Variants in ANKRD13C observed in about 807,000 individuals in gnomAD.
ANKRD13C encodes the protein ankyrin repeat domain 13C.
A neutral mutation model predicts 65.5 loss-of-function variants in ANKRD13C; 16 were observed. That is an observed-to-expected ratio of 0.24 (90% CI 0.17 to 0.37). The LOEUF is 0.37. ANKRD13C is among the 10% of genes least tolerant of loss of function. The pLI, the probability that ANKRD13C is intolerant of heterozygous loss-of-function variation, is 1.00. For synonymous variants in ANKRD13C, 235 were observed against 238.7 expected, an observed-to-expected ratio of 0.98 and a Z score of 0.14; for missense variants, 503 against 655.9, an observed-to-expected ratio of 0.77 and a Z score of 2.55.
intron 12 of ANKRD13C, among the ~76,000 whole-genome samples, chr1:70,267,496 C>T (rs2101104941): frequency 6.6e-6 from 1 of 152,224 alleles, no homozygotes; most frequent in East Asian, 1.9e-4. Flanking sequence ...ACCTCAGCCT[C>T]CCAAGTAGCT....
intron 12 of ANKRD13C, among the ~76,000 whole-genome samples, chr1:70,270,214 G>C (rs1678818935): frequency 6.6e-6 from 1 of 152,124 alleles, no homozygotes. Flanking sequence ...GAAAATCTGG[G>C]CTAATCTCTA....
intron 7 of ANKRD13C, 24 bp from the exon 8 acceptor site, chr1:70,296,285 T>C: frequency 6.3e-7 from 1 of 1,597,180 alleles, no homozygotes. Context: ...AAAAGTTAAA[T>C]ATAAAAATCT....
rs79336526 is a variant in ANKRD13C, at chr1:70,261,967, A to T, written c.*750T>A. ...AAACTCAAGTTTAGAAAAAAAAAAA[A>T]TAGAGGTTCTATGAAAGGAAGATTA... On this transcript the variant is annotated 3_prime_UTR_variant, in exon 13 of 13. Coordinates refer to ENST00000370944, the MANE Select transcript of ANKRD13C (RefSeq NM_030816.5). The T allele has an allele frequency of 6.6e-6, 1 of 152,522 alleles. No individual in the cohort carries two copies. The highest frequency in any genetic ancestry group is 2.4e-5 in the African/African-American group (1 of 41,424). 9.4% of individuals were successfully genotyped at this position (152,522 alleles called of 1,614,324 possible). A position where few individuals can be genotyped will look rare whatever the true frequency, so the allele number is the denominator to read the frequency against.
At chr1:70,270,751 G>A (rs1408625837) in intron 12 of ANKRD13C, 105 bp downstream of exon 12, 1 of 700,044 alleles carries the variant, frequency 1.4e-6, no homozygotes, top group Non-Finnish European at 2.4e-6. Flanking sequence ...CGAACCAACA[G>A]AGGTGTTGGG....
intron 8 of ANKRD13C, chr1:70,293,502 A>G: frequency 1.0e-6 from 1 of 964,718 alleles, no homozygotes; most frequent in South Asian, 4.8e-5. Flanking sequence ...CTCCCTCCTT[A>G]CCTGTCAAAG....
At chr1:70,296,077 A>T in intron 8 of ANKRD13C, 53 bp downstream of exon 8, 1 of 1,571,222 alleles carries the variant, frequency 6.4e-7, no homozygotes, top group Non-Finnish European at 8.6e-7. Context: ...TTATTTTGGA[A>T]ATATTAAATA....
chr1:70,280,019 A>G (rs1209726240), intron 9 of ANKRD13C, among the ~76,000 whole-genome samples: 1 of 152,194 alleles, frequency 6.6e-6, no homozygotes, highest in East Asian at 1.9e-4. Context: ...GAAGAGAAAG[A>G]AGCCTGAAAA....
intron 11 of ANKRD13C, among the ~76,000 whole-genome samples, chr1:70,273,387 C>T (rs1678981154): frequency 6.6e-6 from 1 of 152,202 alleles, no homozygotes; most frequent in South Asian, 2.1e-4. Context: ...GAGCCTAAAA[C>T]TATAGTTGTA....
chr1:70,278,267 T>C (rs946094808), intron 9 of ANKRD13C, among the ~76,000 whole-genome samples: 9 of 149,110 alleles, frequency 6.0e-5, no homozygotes, highest in Non-Finnish European at 1.3e-4. Flanking sequence ...TCAAGGCAGG[T>C]GGATCACTTG....
At chr1:70,340,707 A>C (rs1682270287) in intron 1 of ANKRD13C, among the ~76,000 whole-genome samples, 1 of 152,168 alleles carries the variant, frequency 6.6e-6, no homozygotes, top group Non-Finnish European at 1.5e-5. Flanking sequence ...ATATATTTTG[A>C]AGCCATGTTA....
intron 6 of ANKRD13C, among the ~76,000 whole-genome samples, chr1:70,301,993 A>G (rs868467089): frequency 2.0e-5 from 3 of 152,116 alleles, no homozygotes; most frequent in South Asian, 2.1e-4. Context: ...TGGCTACTGA[A>G]TTTCTAATGC....
chr1:70,269,165 G>A (rs1678770663), intron 12 of ANKRD13C, among the ~76,000 whole-genome samples: 1 of 151,558 alleles, frequency 6.6e-6, no homozygotes, highest in African/African-American at 2.4e-5. Flanking sequence ...TTCAAAAGAA[G>A]GACAGAGAAA....
At chr1:70,345,811 G>GA (rs934915436) in intron 1 of ANKRD13C, among the ~76,000 whole-genome samples, 33 of 151,958 alleles carry the variant, frequency 2.2e-4, no homozygotes, top group African/African-American at 7.3e-4. Flanking sequence ...TGTTTTCCTT[G>GA]AAGTCATAGG....
chr1:70,325,512 G>C (rs1336880848), intron 2 of ANKRD13C, among the ~76,000 whole-genome samples: 3 of 152,196 alleles, frequency 2.0e-5, no homozygotes, highest in Admixed American at 2.0e-4. Context: ...AATCTAGATA[G>C]TTTTTCAAAT....
Position 70,259,515 on chromosome 1 carries a change from G to C in ANKRD13C, c.*3202C>G, listed in dbSNP as rs967823777. 2.0e-5 allele frequency among the ~76,000 whole-genome samples: 3 copies of C among 152,190 alleles called. No homozygotes were observed. Among genetic ancestry groups the C allele is most frequent in the Non-Finnish European group, 2.9e-5 (2 of 68,032 alleles). ...CTCACTCTGTAAGGATGGTTTGCAT[G>C]ATGTAAAAAATGTGATTCTTAACAT... is the stretch of plus-strand genomic sequence containing the variant. On this transcript the variant is annotated 3_prime_UTR_variant, in exon 13 of 13. Coordinates refer to ENST00000370944, the MANE Select transcript of ANKRD13C (RefSeq NM_030816.5).
At chr1:70,337,560 G>A (rs1182360411) in intron 1 of ANKRD13C, among the ~76,000 whole-genome samples, 1 of 151,752 alleles carries the variant, frequency 6.6e-6, no homozygotes. Flanking sequence ...CAGCCTGGGC[G>A]ACAAGAGTGA....
chr1:70,327,872 G>A (rs1379220121), intron 2 of ANKRD13C, among the ~76,000 whole-genome samples: 1 of 151,838 alleles, frequency 6.6e-6, no homozygotes, highest in African/African-American at 2.4e-5. Context: ...TGAGACCAAC[G>A]TGGCCAACAT....
intron 5 of ANKRD13C, among the ~76,000 whole-genome samples, chr1:70,311,866 C>T (rs1347527153): frequency 6.6e-6 from 1 of 152,094 alleles, no homozygotes; most frequent in African/African-American, 2.4e-5. Flanking sequence ...TTAAAATTTA[C>T]ACAAGCTGTA....
intron 1 of ANKRD13C, among the ~76,000 whole-genome samples, chr1:70,344,649 T>C (rs1270967343): frequency 2.0e-5 from 3 of 152,120 alleles, no homozygotes; most frequent in Admixed American, 1.3e-4. Flanking sequence ...TAATAGTTAT[T>C]TTCCAAAATT....
Sources: gnomAD v4.1 joint callset for allele counts (sites outside exome capture counted in the v4.1 genomes callset) on GRCh38, gnomAD v4.1.1 for gene constraint, MANE v1.5 for transcripts, NCBI Gene and HGNC (gene_info 2026-07-23, HGNC 2026-07-21) for gene names.